TENM2: variants seen among roughly 807,000 people sequenced by gnomAD.
The protein encoded by TENM2 is teneurin transmembrane protein 2, also known as teneurin-2.
In TENM2, 52 loss-of-function variants were observed where a neutral mutation model predicts 245.2. The ratio of observed to expected loss-of-function variants is 0.21; its 90% CI spans 0.17 to 0.27. TENM2 has a LOEUF of 0.27. Among genes scored for constraint, TENM2 ranks in the 10% least tolerant of loss-of-function variants. TENM2 has a pLI of 1.00. For missense variants in TENM2, 3,046 were observed against 3,666.8 expected, an observed-to-expected ratio of 0.83 and a Z score of 4.37; for synonymous variants, 1,363 against 1,438.9, an observed-to-expected ratio of 0.95 and a Z score of 1.19.
At chr5:167,854,884 C>T (rs1457119051) in intron 2 of TENM2, among the ~76,000 whole-genome samples, 2 of 152,138 alleles carry the variant, frequency 1.3e-5, no homozygotes, top group African/African-American at 4.8e-5. Flanking sequence ...GTCACTATCA[C>T]CCTCATCCAA....
In TENM2 at chr5:167,783,069, G is replaced by T. The variant is rs937594219; in HGVS notation, c.503-92917G>T. Among the ~76,000 whole-genome samples, 10 of 152,044 alleles carry T rather than the reference G, an allele frequency of 6.6e-5. No individual in the cohort carries two copies. The South Asian group carries it at 1.2e-3, about 19-fold the overall frequency. On this transcript the variant is annotated intron_variant, in intron 2 of 28. Transcript: ENST00000518659. ...TCTGCCACTTAAAAGTGGGGAAGGGGTTGCTTAATTTTTAAAGCACAGTGC... is the reference window on the plus strand; with the variant it reads ...TCTGCCACTTAAAAGTGGGGAAGGGTTTGCTTAATTTTTAAAGCACAGTGC...
chr5:167,618,247 A>G (rs1482082773), intron 2 of TENM2, among the ~76,000 whole-genome samples: 3 of 152,098 alleles, frequency 2.0e-5, no homozygotes, highest in Non-Finnish European at 4.4e-5. Context: ...CCACTTGTCC[A>G]GGGTCACTCA....
intron 2 of TENM2, among the ~76,000 whole-genome samples, chr5:167,625,208 C>T (rs566392489): frequency 1.5e-4 from 23 of 152,276 alleles, no homozygotes; most frequent in Non-Finnish European, 2.9e-4. Flanking sequence ...ACAATGTTTG[C>T]AAAGCTAGAC....
chr5:167,115,042 A>G, the TENM2 span, among the ~76,000 whole-genome samples: 1 of 152,258 alleles, frequency 6.6e-6, no homozygotes, highest in African/African-American at 2.4e-5. Context: ...TGCAAAAAAC[A>G]AAGTCATCCC....
chr5:168,243,785 C>T (rs1025470777), intron 25 of TENM2, among the ~76,000 whole-genome samples: 1 of 152,188 alleles, frequency 6.6e-6, no homozygotes, highest in Admixed American at 6.5e-5. Context: ...TTTCCACGAT[C>T]CTATGGCACC....
At chr5:167,932,485 A>G (rs567323014) in intron 3 of TENM2, among the ~76,000 whole-genome samples, 1 of 152,228 alleles carries the variant, frequency 6.6e-6, no homozygotes, top group Admixed American at 6.5e-5. Flanking sequence ...ATCGTTGTCC[A>G]TGGTCAACAC....
At chr5:167,400,557 C>A (rs9313378) in intron 2 of TENM2, among the ~76,000 whole-genome samples, 2 of 151,776 alleles carry the variant, frequency 1.3e-5, no homozygotes, top group African/African-American at 4.8e-5. Context: ...ATAATCAGAA[C>A]GTGAATCTGG....
At chr5:167,146,624 A>G in the TENM2 span, among the ~76,000 whole-genome samples, 1 of 152,206 alleles carries the variant, frequency 6.6e-6, no homozygotes. Context: ...CAGATGATGG[A>G]GAAATAAATA....
intron 2 of TENM2, among the ~76,000 whole-genome samples, chr5:167,735,587 G>A (rs964475185): frequency 7.2e-5 from 11 of 152,092 alleles, no homozygotes; most frequent in South Asian, 2.1e-4. Context: ...CAGGAGGATC[G>A]CTTAAGCCAG....
chr5:167,778,975 G>A (rs1366523537), intron 2 of TENM2, among the ~76,000 whole-genome samples: 2 of 152,204 alleles, frequency 1.3e-5, no homozygotes, highest in East Asian at 3.9e-4. Flanking sequence ...GGTGTAAGCA[G>A]CATTAACGCA....
intron 2 of TENM2, among the ~76,000 whole-genome samples, chr5:167,705,008 G>A (rs1262611765): frequency 6.6e-6 from 1 of 152,154 alleles, no homozygotes; most frequent in African/African-American, 2.4e-5. Context: ...ATACTTTGAA[G>A]TTGGTAAAAG....
chr5:167,205,721 T>C, the TENM2 span, among the ~76,000 whole-genome samples: 1 of 152,300 alleles, frequency 6.6e-6, no homozygotes, highest in African/African-American at 2.4e-5. Flanking sequence ...CAGTGTAGCT[T>C]AGCAGGGTTC....
intron 4 of TENM2, among the ~76,000 whole-genome samples, chr5:167,982,698 C>G (rs1230959176): frequency 6.6e-6 from 1 of 151,502 alleles, no homozygotes. Context: ...CATTCATTTT[C>G]CCCTCTACCA....
chr5:168,020,123 G>A (rs564000449), intron 5 of TENM2, among the ~76,000 whole-genome samples: 5 of 152,276 alleles, frequency 3.3e-5, no homozygotes, highest in Admixed American at 3.3e-4. Flanking sequence ...ATCAAATTGG[G>A]AAGAGAATGT....
the TENM2 span, among the ~76,000 whole-genome samples, chr5:167,236,961 A>G: frequency 6.6e-6 from 1 of 151,602 alleles, no homozygotes; most frequent in Non-Finnish European, 1.5e-5. Flanking sequence ...TTCCTAAGTA[A>G]ATGTTATCCA....
the TENM2 span, among the ~76,000 whole-genome samples, chr5:167,088,470 T>C: frequency 9.1e-3 from 1,387 of 151,884 alleles, 24 homozygotes; most frequent in African/African-American, 0.031. Context: ...CTACTAAAAG[T>C]ACAAAAATTA....
At chr5:167,594,941 C>G (rs1216126124) in intron 2 of TENM2, among the ~76,000 whole-genome samples, 1 of 152,116 alleles carries the variant, frequency 6.6e-6, no homozygotes, top group Non-Finnish European at 1.5e-5. Context: ...TTATGTTTGT[C>G]CTGACCCCAG....
intron 2 of TENM2, among the ~76,000 whole-genome samples, chr5:167,807,124 T>TA (rs1178739925): frequency 0.075 from 3,652 of 48,874 alleles, 298 homozygotes; most frequent in Non-Finnish European, 0.088. Context: ...GCCCCTAGGT[T>TA]AAAAAAAAAA....
At chr5:168,004,741 G>A (rs1414997208) in intron 5 of TENM2, among the ~76,000 whole-genome samples, 4 of 152,086 alleles carry the variant, frequency 2.6e-5, no homozygotes, top group South Asian at 4.1e-4. Flanking sequence ...GGATGCCACC[G>A]TTTCTTTTTC....
Sources: allele counts gnomAD v4.1 joint callset (sites outside exome capture counted in the v4.1 genomes callset), GRCh38; gene constraint gnomAD v4.1.1; transcripts MANE v1.5; gene names NCBI Gene and HGNC (gene_info 2026-07-23, HGNC 2026-07-21).